The following CAB39L variants were observed in gnomAD, a reference collection of about 807,000 sequenced individuals.
The protein encoded by CAB39L is calcium-binding protein 39-like.
In CAB39L, 23 loss-of-function variants were observed where a neutral mutation model predicts 39.1. The ratio of observed to expected loss-of-function variants is 0.59; its 90% CI spans 0.42 to 0.83. The LOEUF (loss-of-function observed/expected upper bound fraction) is 0.83. CAB39L is among the 40% of genes least tolerant of loss of function. CAB39L has a pLI of 0.00. For synonymous variants in CAB39L, 126 were observed against 137.2 expected, an observed-to-expected ratio of 0.92 and a Z score of 0.57; for missense variants, 366 against 391.9, an observed-to-expected ratio of 0.93 and a Z score of 0.56.
At position 49,377,010 on chromosome 13, in the gene CAB39L, A is replaced by C. The variant is rs750947599; in HGVS notation, c.233T>G (p.Leu78Arg). ...CAGGTCAGCTATCAGTGTCACTAGC[A>C]GGCCACTGCTGTAGAGTTCTTGTGC... ...QLAQELYSSG[L>R]LVTLIADLQL... The change falls in exon 5 of 11, where the codon CTG (leucine) becomes CGG (arginine). Residue 78 changes from leucine to arginine, a missense_variant. Coordinates refer to ENST00000409308, the MANE Select transcript of CAB39L (RefSeq NM_001079670.3). 2.1e-5 allele frequency: 34 copies of C among 1,613,368 alleles called. No individual in the cohort carries two copies. In the Admixed American group the frequency reaches 5.7e-4, roughly 27 times the overall value.
intron 1 of CAB39L, among the ~76,000 whole-genome samples, chr13:49,438,135 C>T (rs1296294246): frequency 6.6e-6 from 1 of 152,148 alleles, no homozygotes; most frequent in Non-Finnish European, 1.5e-5. Flanking sequence ...CCGTGTCCAG[C>T]TGGTATTATT....
intron 3 of CAB39L, among the ~76,000 whole-genome samples, chr13:49,423,160 T>G (rs976722195): frequency 6.6e-6 from 1 of 152,260 alleles, no homozygotes; most frequent in East Asian, 1.9e-4. Flanking sequence ...ATCATCAGGA[T>G]CACCTGGACG....
At chr13:49,342,297 A>G (rs1955028987) in intron 8 of CAB39L, among the ~76,000 whole-genome samples, 1 of 152,234 alleles carries the variant, frequency 6.6e-6, no homozygotes, top group Non-Finnish European at 1.5e-5. Flanking sequence ...GTAATCATCA[A>G]AAATGTACTT....
intron 10 of CAB39L, among the ~76,000 whole-genome samples, 170 bp from the exon 11 acceptor site, chr13:49,311,163 T>C (rs1953977908): frequency 6.6e-6 from 1 of 152,202 alleles, no homozygotes; most frequent in Admixed American, 6.5e-5. Flanking sequence ...ATCAATACAG[T>C]CACACACCAC....
At chr13:49,406,742 CT>C (rs1345754435) in intron 3 of CAB39L, among the ~76,000 whole-genome samples, 8 of 152,284 alleles carry the variant, frequency 5.3e-5, no homozygotes, top group African/African-American at 1.7e-4. Flanking sequence ...TTTAACTCTA[CT>C]GCTTTGCTCT....
At chr13:49,438,274 T>C (rs991656863) in intron 1 of CAB39L, among the ~76,000 whole-genome samples, 1 of 152,222 alleles carries the variant, frequency 6.6e-6, no homozygotes. Flanking sequence ...CACCCTCCTC[T>C]TTTCCTCCCA....
rs950078704 is a variant in CAB39L, at chr13:49,325,612, A to T, written c.834+6335T>A. Reference sequence around the variant, plus strand: ...GAGACCAGCCGGGCCAACATGGCAAAACCTCATCTGTACTAAAAATACAAA... The same window carrying T: ...GAGACCAGCCGGGCCAACATGGCAATACCTCATCTGTACTAAAAATACAAA... On this transcript the variant is annotated intron_variant, in intron 10 of 10. Coordinates refer to ENST00000409308, the MANE Select transcript of CAB39L (RefSeq NM_001079670.3). Among the ~76,000 whole-genome samples the T allele has an allele frequency of 2.6e-5, 4 of 152,090 alleles. No homozygotes were observed. The South Asian group carries it at 8.3e-4, about 32-fold the overall frequency.
intron 3 of CAB39L, among the ~76,000 whole-genome samples, chr13:49,415,346 C>T (rs1262810261): frequency 1.3e-5 from 2 of 151,488 alleles, no homozygotes; most frequent in African/African-American, 4.9e-5. Flanking sequence ...GAAACCCCTT[C>T]TCTACTAAAA....
intron 3 of CAB39L, chr13:49,393,105 C>T (rs937976504): frequency 2.6e-5 from 4 of 151,942 alleles, no homozygotes; most frequent in African/African-American, 9.6e-5. Context: ...TAAATAAATG[C>T]TACAAAATTT....
At chr13:49,396,978 G>T (rs1001239030) in intron 3 of CAB39L, among the ~76,000 whole-genome samples, 1 of 152,100 alleles carries the variant, frequency 6.6e-6, no homozygotes, top group Non-Finnish European at 1.5e-5. Context: ...TACTGTATTT[G>T]CTACTGTATC....
intron 4 of CAB39L, chr13:49,382,427 C>T (rs1213470184): frequency 6.5e-6 from 1 of 154,200 alleles, no homozygotes; most frequent in East Asian, 1.9e-4. Flanking sequence ...GGAAGCCCCA[C>T]TTAATAAGAC....
At chr13:49,425,204 GA>G (rs2033263213) in intron 3 of CAB39L, among the ~76,000 whole-genome samples, 1 of 147,366 alleles carries the variant, frequency 6.8e-6, no homozygotes, top group Admixed American at 6.6e-5. Flanking sequence ...CTAAACAGGA[GA>G]ACATTTTTTT....
intron 10 of CAB39L, among the ~76,000 whole-genome samples, chr13:49,326,473 CA>C (rs984629191): frequency 5.1e-4 from 78 of 152,308 alleles, no homozygotes; most frequent in African/African-American, 1.8e-3. Context: ...AGCCTATTAG[CA>C]GGCTAATGAG....
At chr13:49,369,796 C>T (rs1566095599) in intron 5 of CAB39L, among the ~76,000 whole-genome samples, 1 of 152,064 alleles carries the variant, frequency 6.6e-6, no homozygotes, top group Admixed American at 6.6e-5. Context: ...CCATGTTGGC[C>T]AGGATGGTCT....
At chr13:49,396,097 C>CAA (rs58073071) in intron 3 of CAB39L, among the ~76,000 whole-genome samples, 4 of 123,528 alleles carry the variant, frequency 3.2e-5, no homozygotes, top group Admixed American at 8.1e-5. Flanking sequence ...GACTCTGTCT[C>CAA]AAAAAAAAAA....
chr13:49,368,125 T>C (rs544840207), intron 5 of CAB39L, among the ~76,000 whole-genome samples: 9 of 152,302 alleles, frequency 5.9e-5, no homozygotes, highest in East Asian at 5.8e-4. Flanking sequence ...TGAAATGTCA[T>C]AGGAACATGT....
chr13:49,320,599 G>A (rs1452284185), intron 10 of CAB39L, among the ~76,000 whole-genome samples: 1 of 152,146 alleles, frequency 6.6e-6, no homozygotes, highest in African/African-American at 2.4e-5. Flanking sequence ...GCCAGACAAG[G>A]TATGGGGAGG....
At position 49,309,918 on chromosome 13, in the gene CAB39L, T is replaced by A. The variant is rs1276026265; in HGVS notation, c.*896A>T. ...TCCCCGCTGAGACTCCCTGGACCCA[T>A]GGTTTGTGCCTGCTGGGCATCCCAC... is the stretch of plus-strand genomic sequence containing the variant. On this transcript the variant is annotated 3_prime_UTR_variant, in exon 11 of 11. Coordinates refer to ENST00000409308, the MANE Select transcript of CAB39L (RefSeq NM_001079670.3). 1 of 152,232 alleles carries A rather than the reference T, an allele frequency of 6.6e-6. No individual in the cohort carries two copies. Among genetic ancestry groups the A allele is most frequent in the East Asian group, 1.9e-4 (1 of 5,190 alleles). The allele number at this position is 152,232 out of a possible 1,614,324, so 9.4% of individuals were successfully genotyped here. A position where few individuals can be genotyped will look rare whatever the true frequency, so the allele number is the denominator to read the frequency against.
chr13:49,332,646 T>C (rs900081814), intron 9 of CAB39L, among the ~76,000 whole-genome samples: 3 of 152,084 alleles, frequency 2.0e-5, no homozygotes, highest in African/African-American at 7.2e-5. Flanking sequence ...AGCAAAACAT[T>C]TTTTGGTGAC....
Sources: allele counts gnomAD v4.1 joint callset (sites outside exome capture counted in the v4.1 genomes callset), GRCh38; gene constraint gnomAD v4.1.1; transcripts MANE v1.5; gene names NCBI Gene and HGNC (gene_info 2026-07-23, HGNC 2026-07-21).